CAPN3: variants seen among roughly 807,000 people sequenced by gnomAD.
The protein encoded by CAPN3 is calpain-3.
CAPN3 carries 88 observed loss-of-function variants against 114.0 expected under a neutral mutation model. That is an observed-to-expected ratio of 0.77 (90% CI 0.65 to 0.92). The LOEUF is 0.92. Ranked by LOEUF, CAPN3 falls within the 40% of genes least tolerant of loss-of-function variation. The pLI, the probability that CAPN3 is intolerant of heterozygous loss-of-function variation, is 0.00. For synonymous variants in CAPN3, 386 were observed against 382.9 expected (o/e 1.01, Z -0.09); for missense variants, 1,028 against 1,069.0 (o/e 0.96, Z 0.53).
Position 42,412,028 on chromosome 15 carries a change from G to A in CAPN3, c.*255G>A. On this transcript the variant is annotated 3_prime_UTR_variant, in exon 24 of 24. Coordinates refer to ENST00000397163, the MANE Select transcript of CAPN3 (RefSeq NM_000070.3). ...CTTTGCCATGTGGAGGAAAGTGCCT[G>A]CCTCTGGTCCGAGCCGCCTCGGTTC... is the stretch of plus-strand genomic sequence containing the variant. 1 of 1,511,244 alleles carries A rather than the reference G, an allele frequency of 6.6e-7. No homozygotes were observed. The highest frequency in any genetic ancestry group is 8.8e-7 in the Non-Finnish European group (1 of 1,134,354). 93.6% of individuals were successfully genotyped at this position (1,511,244 alleles called of 1,614,324 possible).
intron 1 of CAPN3, among the ~76,000 whole-genome samples, chr15:42,361,592 G>A (rs2052645767): frequency 6.6e-6 from 1 of 152,274 alleles, no homozygotes; most frequent in Non-Finnish European, 1.5e-5. Context: ...CTTCAGTTTA[G>A]AAGATAACAC....
At chr15:42,382,063 G>T (rs2053264235) in intron 1 of CAPN3, among the ~76,000 whole-genome samples, 1 of 152,060 alleles carries the variant, frequency 6.6e-6, no homozygotes, top group Non-Finnish European at 1.5e-5. Flanking sequence ...TACATCCTTG[G>T]TTCACATTTT....
Position 42,411,760 on chromosome 15 carries a change from C to G in CAPN3, c.2453C>G (p.Thr818Ser). 1 of 1,603,700 alleles carries G rather than the reference C, an allele frequency of 6.2e-7. No homozygotes were observed. Among genetic ancestry groups the G allele is most frequent in the Non-Finnish European group, 8.5e-7 (1 of 1,172,662 alleles). Reference protein sequence around the residue: ...KLNVLEWLQLTMYA With the variant: ...KLNVLEWLQLSMYA ...GACTTCTTTCAGTGGCTGCAGCTCA[C>G]CATGTATGCCTGAACCAGGCTGGCC... is the stretch of plus-strand genomic sequence containing the variant. The change falls in exon 24 of 24, where the codon ACC becomes AGC. Residue 818 changes from threonine to serine, a missense_variant. By Grantham distance (58) the Thr-to-Ser change is moderately conservative. Transcript: ENST00000397163.
chr15:42,366,253 A>G (rs913563116), intron 1 of CAPN3, among the ~76,000 whole-genome samples: 2 of 152,208 alleles, frequency 1.3e-5, no homozygotes, highest in Admixed American at 6.5e-5. Context: ...CAACCCTGCC[A>G]TCCCCAACCT....
rs374707233 is a variant in CAPN3 at position 42,409,912 on chromosome 15, C to G, written c.2051-19C>G. 31 of 1,612,680 alleles carry G rather than the reference C, an allele frequency of 1.9e-5. No individual in the cohort carries two copies. Among genetic ancestry groups the G allele is most frequent in the Non-Finnish European group, 2.6e-5 (31 of 1,179,776 alleles). On this transcript the variant is annotated intron_variant, in intron 18 of 23. Coordinates refer to ENST00000397163, the MANE Select transcript of CAPN3 (RefSeq NM_000070.3). Reference sequence around the variant, plus strand: ...CCCGTTGTCTCAAAGCAGCTCCTCACTCTTCTCCATCCCCCCAGACAAGGA... The same window carrying G: ...CCCGTTGTCTCAAAGCAGCTCCTCAGTCTTCTCCATCCCCCCAGACAAGGA...
At chr15:42,360,403 G>A (rs909771279) in intron 1 of CAPN3, among the ~76,000 whole-genome samples, 3 of 151,952 alleles carry the variant, frequency 2.0e-5, no homozygotes, top group African/African-American at 7.3e-5. Flanking sequence ...TATAAAAGTG[G>A]GTGGAACTCA....
chr15:42,392,939 G>C (rs761020240), intron 7 of CAPN3, among the ~76,000 whole-genome samples: 1 of 152,204 alleles, frequency 6.6e-6, no homozygotes, highest in Non-Finnish European at 1.5e-5. Context: ...TTTGCTTTTC[G>C]TGCTAAAGAT....
chr15:42,403,537 C>T (rs530361472), intron 13 of CAPN3, among the ~76,000 whole-genome samples: 2 of 152,234 alleles, frequency 1.3e-5, no homozygotes, highest in Admixed American at 1.3e-4. Flanking sequence ...CTGAGCAATA[C>T]TAACAAGAAC....
chr15:42,405,651 A>C lies in CAPN3; in HGVS notation c.1783-275A>C, dbSNP rs568831106. ...TTAAAAAAGGAAGAAAGAAAACCTT[A>C]GCCAGAAGATCTTTTTCCTTGCCAT... On this transcript the variant is annotated intron_variant, in intron 14 of 23. Transcript: ENST00000397163. Among the ~76,000 whole-genome samples the C allele has an allele frequency of 2.0e-5, 3 of 152,338 alleles. No homozygotes were observed. In the South Asian group the frequency reaches 6.2e-4, roughly 32 times the overall value.
At position 42,411,695 on chromosome 15, in the gene CAPN3, G is replaced by C. The variant is rs28364546; in HGVS notation, c.2440-52G>C. 42 of 792,600 alleles carry C rather than the reference G, an allele frequency of 5.3e-5. 2 individuals carry two copies. The highest frequency in any genetic ancestry group is 2.5e-4 in the African/African-American group (12 of 48,606). 49.1% of individuals were successfully genotyped at this position (792,600 alleles called of 1,614,324 possible). On this transcript the variant is annotated intron_variant, in intron 23 of 23. Transcript: ENST00000397163. ...CCCGTAAGATTCCTAGGGCGGGGGG[G>C]GGGGGGGTCACTCTTTTCTGATCTA... is the stretch of plus-strand genomic sequence containing the variant.
chr15:42,368,408 A>C (rs2052843989), intron 1 of CAPN3, among the ~76,000 whole-genome samples: 2 of 152,208 alleles, frequency 1.3e-5, no homozygotes, highest in Admixed American at 6.5e-5. Context: ...TCATGGAGGA[A>C]ATACGTGTGT....
At chr15:42,406,989 G>GC (rs1035839462) in intron 15 of CAPN3, among the ~76,000 whole-genome samples, 1 of 152,146 alleles carries the variant, frequency 6.6e-6, no homozygotes, top group African/African-American at 2.4e-5. Flanking sequence ...GGGCAGTGGT[G>GC]CATGAGTCCA....
At chr15:42,388,148 C>A (rs539378977) in intron 4 of CAPN3, among the ~76,000 whole-genome samples, 57 of 152,304 alleles carry the variant, frequency 3.7e-4, no homozygotes, top group African/African-American at 1.3e-3. Context: ...TCTTTCATTG[C>A]ACCTCCATGG....
chr15:42,384,180 G>A (rs986038150), intron 1 of CAPN3, among the ~76,000 whole-genome samples: 6 of 152,186 alleles, frequency 3.9e-5, no homozygotes, highest in Admixed American at 6.5e-5. Context: ...TTGGGAGGCC[G>A]AGGCGGGTGG....
intron 8 of CAPN3, among the ~76,000 whole-genome samples, chr15:42,395,695 T>G (rs575648864): frequency 6.6e-6 from 1 of 152,318 alleles, no homozygotes; most frequent in East Asian, 1.9e-4. Flanking sequence ...CTTACCATGA[T>G]GCTGCCATCA....
At chr15:42,380,752 T>TATATATATATATATATA (rs1491298329) in intron 1 of CAPN3, among the ~76,000 whole-genome samples, 12 of 37,780 alleles carry the variant, frequency 3.2e-4, no homozygotes, top group South Asian at 1.8e-3. Context: ...TATATATATA[T>TATATATATATATATATA]TTTTTTTTTT....
At chr15:42,389,529 G>GCC in intron 5 of CAPN3, among the ~76,000 whole-genome samples, 1 of 152,226 alleles carries the variant, frequency 6.6e-6, no homozygotes, top group Non-Finnish European at 1.5e-5. Flanking sequence ...GAGAAGCTAA[G>GCC]CCTGCAGCAC....
At chr15:42,401,880 A>G in intron 11 of CAPN3, 70 bp downstream of exon 11, 1 of 1,526,194 alleles carries the variant, frequency 6.6e-7, no homozygotes, top group Non-Finnish European at 8.9e-7. Flanking sequence ...AGGGGCTTCT[A>G]GAGGGGCCCT....
In CAPN3 at chr15:42,411,904, A is replaced by G; in HGVS notation, c.*131A>G. On this transcript the variant is annotated 3_prime_UTR_variant, in exon 24 of 24. Coordinates refer to ENST00000397163, the MANE Select transcript of CAPN3 (RefSeq NM_000070.3). Reference sequence around the variant, plus strand: ...CAGGCTTCCAGGCACCTCATCAGTCATGCTCCTCCTCCATTTTACCCCCTA... The same window carrying G: ...CAGGCTTCCAGGCACCTCATCAGTCGTGCTCCTCCTCCATTTTACCCCCTA... 6.3e-7 allele frequency: 1 copy of G among 1,576,474 alleles called. No homozygotes were observed. Among genetic ancestry groups the G allele is most frequent in the Non-Finnish European group, 8.6e-7 (1 of 1,160,388 alleles).
Sources: allele counts gnomAD v4.1 joint callset (sites outside exome capture counted in the v4.1 genomes callset), GRCh38; gene constraint gnomAD v4.1.1; transcripts MANE v1.5; gene names NCBI Gene and HGNC (gene_info 2026-07-23, HGNC 2026-07-21).